DCAF5: variants seen among roughly 807,000 people sequenced by gnomAD.
The protein encoded by DCAF5 is DDB1 and CUL4 associated factor 5, also known as DDB1- and CUL4-associated factor 5.
In DCAF5, 9 loss-of-function variants were observed where a neutral mutation model predicts 80.7. That is an observed-to-expected ratio of 0.11 (90% CI 0.07 to 0.19). DCAF5 has a LOEUF of 0.19. Among genes scored for constraint, DCAF5 ranks in the 10% least tolerant of loss-of-function variants. The probability of loss-of-function intolerance (pLI) is 1.00; values close to 1 mark genes in which losing one functional copy is unlikely to be tolerated. For synonymous variants in DCAF5, 433 were observed against 461.9 expected, an observed-to-expected ratio of 0.94 and a Z score of 0.80; for missense variants, 842 against 1,205.7, an observed-to-expected ratio of 0.70 and a Z score of 4.47.
chr14:69,081,468 G>A lies in DCAF5; in HGVS notation c.880-6057C>T, dbSNP rs150291468. Among the ~76,000 whole-genome samples the A allele has an allele frequency of 3.9e-3, 598 of 152,222 alleles. 6 individuals are homozygous for A. The highest frequency in any genetic ancestry group is 0.014 in the African/African-American group (577 of 41,524). On this transcript the variant is annotated intron_variant, in intron 6 of 8. Transcript: ENST00000341516. The stretch of plus-strand genomic sequence containing the variant: ...TTTTCATTCATTCTGTGGTCCAAGA[G>A]GGCAAGCTATTTACTGATCTGAATG...
chr14:69,146,651 A>C (rs573465412), intron 1 of DCAF5, among the ~76,000 whole-genome samples: 1 of 152,330 alleles, frequency 6.6e-6, no homozygotes, highest in South Asian at 2.1e-4. Context: ...ATGAGAACTG[A>C]ACACTCCTAA....
intron 7 of DCAF5, among the ~76,000 whole-genome samples, chr14:69,063,984 T>TA (rs1424775014): frequency 3.3e-5 from 5 of 151,916 alleles, no homozygotes; most frequent in Admixed American, 6.6e-5. Context: ...TAATAAACCA[T>TA]AAAAAAAGAG....
intron 5 of DCAF5, among the ~76,000 whole-genome samples, chr14:69,095,540 T>C (rs910574606): frequency 2.2e-5 from 3 of 138,248 alleles, no homozygotes; most frequent in African/African-American, 7.3e-5. Flanking sequence ...TTTTGTTTTG[T>C]TTTTTTAAGT....
intron 2 of DCAF5, among the ~76,000 whole-genome samples, chr14:69,119,730 A>G (rs1358297052): frequency 6.6e-6 from 1 of 151,708 alleles, no homozygotes; most frequent in Non-Finnish European, 1.5e-5. Context: ...GTAGGGGGGA[A>G]ACAACACAAA....
intron 7 of DCAF5, among the ~76,000 whole-genome samples, chr14:69,063,772 C>T (rs1358675450): frequency 1.3e-5 from 2 of 152,174 alleles, no homozygotes; most frequent in Admixed American, 6.5e-5. Flanking sequence ...GGAAGAGATA[C>T]CTCCTTATTG....
chr14:69,118,046 C>A lies in DCAF5; in HGVS notation c.535+93G>T. ...ATTTCCTTTCCCTTGACATCACTTG[C>A]ACATAGATACTGAGGTAATAAATTG... is the stretch of plus-strand genomic sequence containing the variant. On this transcript the variant is annotated intron_variant, in intron 4 of 8. Transcript: ENST00000341516. The surrounding 1 kb of genome is among the most constrained non-coding windows in gnomAD (Gnocchi z 4.0). 6.6e-7 allele frequency: 1 copy of A among 1,524,136 alleles called. No homozygotes were observed. Among genetic ancestry groups the A allele is most frequent in the South Asian group, 1.2e-5 (1 of 82,842 alleles). The allele number at this position is 1,524,136 out of a possible 1,614,324, so 94.4% of individuals were successfully genotyped here.
At chr14:69,103,525 C>T (rs1268180588) in intron 5 of DCAF5, among the ~76,000 whole-genome samples, 1 of 152,188 alleles carries the variant, frequency 6.6e-6, no homozygotes, top group Non-Finnish European at 1.5e-5. Flanking sequence ...ATGTTACCAC[C>T]ATCTTGCATA....
chr14:69,079,081 GC>G (rs71446369), intron 6 of DCAF5, among the ~76,000 whole-genome samples: 43,274 of 151,676 alleles, frequency 0.29, 7,302 homozygotes, highest in Middle Eastern at 0.47. Context: ...CTGCTACCCT[GC>G]CCCCCATACC....
Position 69,110,422 on chromosome 14 carries a change from C to G in DCAF5, c.665+5944G>C, listed in dbSNP as rs192876828. Among the ~76,000 whole-genome samples, 2 of 151,416 alleles carry G rather than the reference C, an allele frequency of 1.3e-5. 1 individual carries two copies. Among genetic ancestry groups the G allele is most frequent in the Middle Eastern group, 6.8e-3 (2 of 294 alleles). On this transcript the variant is annotated intron_variant, in intron 5 of 8. Transcript: ENST00000341516. ...CTGGGATTACAGGCACACAACACCA[C>G]GCCCCACTAATTTTCCTATTTTTTT...
At position 69,054,620 on chromosome 14, in the gene DCAF5, G is replaced by T. The variant is rs1566714361; in HGVS notation, c.2066C>A (p.Ala689Glu). The change falls in exon 9 of 9, where the codon GCA becomes GAA. Residue 689 changes from alanine (A) to glutamate (E), a missense_variant. Ala to Glu is a moderately radical substitution (Grantham distance 107). Coordinates refer to ENST00000341516, the MANE Select transcript of DCAF5 (RefSeq NM_003861.3). ...DGETSLVTGE[A>E]DEGRAGTSHK... ...GCTGGTTCCTGCTCTCCCTTCATCT[G>T]CCTCCCCGGTCACCAAGGAGGTCTC... 6.2e-7 allele frequency: 1 copy of T among 1,614,136 alleles called. No homozygotes were observed. Among genetic ancestry groups the T allele is most frequent in the Non-Finnish European group, 8.5e-7 (1 of 1,180,000 alleles).
At chr14:69,108,699 G>A (rs2040248850) in intron 5 of DCAF5, among the ~76,000 whole-genome samples, 1 of 152,170 alleles carries the variant, frequency 6.6e-6, no homozygotes, top group Non-Finnish European at 1.5e-5. Context: ...AAGGAGTTCA[G>A]AGGACAGAAC....
intron 5 of DCAF5, among the ~76,000 whole-genome samples, chr14:69,103,329 G>A (rs575533036): frequency 9.8e-5 from 15 of 152,332 alleles, no homozygotes; most frequent in Admixed American, 2.0e-4. Context: ...ACCCCCAGGA[G>A]AAAACATGAA....
At position 69,116,493 on chromosome 14, in the gene DCAF5, G is replaced by A; in HGVS notation, c.538C>T (p.Pro180Ser). Residue 180 changes from proline (P) to serine (S), a missense_variant and splice_region_variant, in exon 5 of 9, where the codon CCC becomes TCC. By Grantham distance (74) the Pro-to-Ser change is moderately conservative (BLOSUM62 -1). Coordinates refer to ENST00000341516, the MANE Select transcript of DCAF5 (RefSeq NM_003861.3). ...WDIRESPHGE[P>S]FCLANYPSAF... is the part of the protein sequence containing the mutation. Reference sequence around the variant, plus strand: ...GATGGATAGTTTGCCAGGCAGAAGGGCTCTGTGGAAAGAAAAATTATAATC... The same window carrying A: ...GATGGATAGTTTGCCAGGCAGAAGGACTCTGTGGAAAGAAAAATTATAATC... 1 of 1,612,230 alleles carries A rather than the reference G, an allele frequency of 6.2e-7. No individual in the cohort carries two copies. Among genetic ancestry groups the A allele is most frequent in the Non-Finnish European group, 8.5e-7 (1 of 1,178,670 alleles).
intron 6 of DCAF5, chr14:69,090,930 T>C: frequency 1.7e-6 from 1 of 601,588 alleles, no homozygotes; most frequent in Non-Finnish European, 3.0e-6. Context: ...CAGTCTTTCC[T>C]TAGATTTGTC....
chr14:69,151,832 G>A (rs2041715420), intron 1 of DCAF5, among the ~76,000 whole-genome samples: 2 of 152,302 alleles, frequency 1.3e-5, no homozygotes, highest in East Asian at 1.9e-4. Context: ...AGGAGCCCCG[G>A]GAGAGCGAGG....
intron 1 of DCAF5, among the ~76,000 whole-genome samples, chr14:69,133,817 A>G (rs1321559545): frequency 6.6e-6 from 1 of 152,206 alleles, no homozygotes; most frequent in African/African-American, 2.4e-5. Context: ...CTTAGCTCCT[A>G]GCTAGAAACA....
intron 2 of DCAF5, among the ~76,000 whole-genome samples, chr14:69,121,381 A>G (rs2040713855): frequency 6.6e-6 from 1 of 152,336 alleles, no homozygotes; most frequent in Non-Finnish European, 1.5e-5. Context: ...GTGACAGACT[A>G]GATGTGTAAA....
chr14:69,087,279 G>C (rs1478117514), intron 6 of DCAF5, among the ~76,000 whole-genome samples: 1 of 152,170 alleles, frequency 6.6e-6, no homozygotes, highest in Non-Finnish European at 1.5e-5. Flanking sequence ...TGAGTATGTA[G>C]AGAAGTGTAT....
intron 1 of DCAF5, among the ~76,000 whole-genome samples, chr14:69,143,364 G>T (rs2041430804): frequency 6.6e-6 from 1 of 151,898 alleles, no homozygotes; most frequent in Admixed American, 6.6e-5. Context: ...ATAAACCATG[G>T]GAGCTTTCAT....
Sources: allele counts gnomAD v4.1 joint callset (sites outside exome capture counted in the v4.1 genomes callset), GRCh38; gene constraint gnomAD v4.1.1; non-coding constraint Gnocchi (gnomAD v3.1); transcripts MANE v1.5; gene names NCBI Gene and HGNC (gene_info 2026-07-23, HGNC 2026-07-21).